ERBB4: variants seen among roughly 807,000 people sequenced by gnomAD.
ERBB4 encodes the protein erb-b2 receptor tyrosine kinase 4.
In ERBB4, 42 loss-of-function variants were observed where a neutral mutation model predicts 158.0. That is an observed-to-expected ratio of 0.27 (90% CI 0.21 to 0.34). The LOEUF (loss-of-function observed/expected upper bound fraction) is 0.34, where lower values mean the gene tolerates loss of function less well. Ranked by LOEUF, ERBB4 falls within the 10% of genes least tolerant of loss-of-function variation. The probability of loss-of-function intolerance (pLI) is 1.00; values close to 1 mark genes in which losing one functional copy is unlikely to be tolerated. For synonymous variants in ERBB4, 583 were observed against 558.7 expected, an observed-to-expected ratio of 1.04 and a Z score of -0.61; for missense variants, 1,333 against 1,624.1, an observed-to-expected ratio of 0.82 and a Z score of 3.08.
At chr2:212,293,548 G>A (rs2106186651) in intron 1 of ERBB4, among the ~76,000 whole-genome samples, 1 of 152,060 alleles carries the variant, frequency 6.6e-6, no homozygotes, top group East Asian at 1.9e-4. Context: ...ATGCAGTTGA[G>A]TGAAAGTCAT....
chr2:211,398,441 G>C (rs1454136034), intron 25 of ERBB4, among the ~76,000 whole-genome samples: 1 of 152,064 alleles, frequency 6.6e-6, no homozygotes, highest in African/African-American at 2.4e-5. Flanking sequence ...CTTAATTATG[G>C]TACCATTTCT....
chr2:212,450,821 G>GAA (rs57931477), intron 1 of ERBB4, among the ~76,000 whole-genome samples: 1,334 of 92,816 alleles, frequency 0.014, 44 homozygotes, highest in African/African-American at 0.046. Context: ...TTTCAGCCGA[G>GAA]AAAAAAAAAA....
chr2:211,717,712 C>T (rs897523942), intron 7 of ERBB4, among the ~76,000 whole-genome samples: 3 of 152,068 alleles, frequency 2.0e-5, no homozygotes, highest in African/African-American at 7.2e-5. Context: ...CCTGTAATCC[C>T]AGCGACTCAG....
At chr2:211,391,360 T>C (rs2062794928) in intron 25 of ERBB4, among the ~76,000 whole-genome samples, 1 of 152,210 alleles carries the variant, frequency 6.6e-6, no homozygotes, top group South Asian at 2.1e-4. Context: ...TTAAAAGCTT[T>C]TGTTTTTCCA....
chr2:211,917,668 T>C (rs2079735824), intron 3 of ERBB4, among the ~76,000 whole-genome samples: 1 of 152,070 alleles, frequency 6.6e-6, no homozygotes, highest in African/African-American at 2.4e-5. Flanking sequence ...AAAGTGGGTA[T>C]AGGACTGGAA....
At chr2:212,374,105 C>A (rs543902819) in intron 1 of ERBB4, among the ~76,000 whole-genome samples, 2 of 137,548 alleles carry the variant, frequency 1.5e-5, no homozygotes, top group Non-Finnish European at 3.1e-5. Flanking sequence ...TATATATATA[C>A]ACACACATAT....
intron 12 of ERBB4, among the ~76,000 whole-genome samples, chr2:211,698,141 A>T (rs1575005203): frequency 6.6e-6 from 1 of 151,800 alleles, no homozygotes; most frequent in Non-Finnish European, 1.5e-5. Context: ...ACATGGAGAA[A>T]CCCCGTCTCT....
At chr2:211,633,482 ATTTT>A (rs3068983) in intron 16 of ERBB4, among the ~76,000 whole-genome samples, 9,799 of 127,220 alleles carry the variant, frequency 0.077, 421 homozygotes, top group East Asian at 0.16. Context: ...GTATTTTCTA[ATTTT>A]TTTTTTTTTT....
intron 2 of ERBB4, among the ~76,000 whole-genome samples, chr2:211,965,047 G>A (rs1000572718): frequency 7.9e-5 from 12 of 151,890 alleles, no homozygotes; most frequent in African/African-American, 1.2e-4. Flanking sequence ...TTACCTATAC[G>A]GCACAAACAC....
chr2:212,512,464 A>C (rs1370550986), intron 1 of ERBB4, among the ~76,000 whole-genome samples: 1 of 152,058 alleles, frequency 6.6e-6, no homozygotes, highest in African/African-American at 2.4e-5. Flanking sequence ...ACATGGCAGA[A>C]CCCAATAAAT....
At chr2:212,512,316 C>T (rs1691567977) in intron 1 of ERBB4, among the ~76,000 whole-genome samples, 1 of 149,660 alleles carries the variant, frequency 6.7e-6, no homozygotes, top group Non-Finnish European at 1.5e-5. Context: ...GAAAAATATA[C>T]ATATTGAGTA....
intron 6 of ERBB4, among the ~76,000 whole-genome samples, chr2:211,723,877 T>C (rs1003920671): frequency 1.3e-5 from 2 of 152,190 alleles, no homozygotes; most frequent in African/African-American, 2.4e-5. Context: ...GAACATTCTG[T>C]ACCAAAAGCC....
chr2:211,547,849 A>G (rs1477214182), intron 20 of ERBB4, among the ~76,000 whole-genome samples: 1 of 152,128 alleles, frequency 6.6e-6, no homozygotes, highest in Admixed American at 6.6e-5. Flanking sequence ...TGTGAATGGC[A>G]GCTGAATAAA....
chr2:211,957,125 C>T (rs1011897494), intron 2 of ERBB4, among the ~76,000 whole-genome samples: 4 of 152,014 alleles, frequency 2.6e-5, no homozygotes, highest in African/African-American at 4.8e-5. Context: ...CCACTGTGCC[C>T]AGCCAAACCC....
At chr2:211,957,443 T>C (rs957679197) in intron 2 of ERBB4, among the ~76,000 whole-genome samples, 6 of 152,120 alleles carry the variant, frequency 3.9e-5, no homozygotes, top group African/African-American at 1.4e-4. Flanking sequence ...TAAATATCTG[T>C]TGTTTAAGCC....
chr2:211,449,091 T>C (rs900803820), intron 20 of ERBB4, among the ~76,000 whole-genome samples: 3 of 152,120 alleles, frequency 2.0e-5, no homozygotes, highest in Admixed American at 1.3e-4. Flanking sequence ...CCCAATAGTG[T>C]ACCTCCTACA....
chr2:212,373,866 T>TCC (rs768812673), intron 1 of ERBB4, among the ~76,000 whole-genome samples: 5 of 117,574 alleles, frequency 4.3e-5, no homozygotes, highest in Admixed American at 9.2e-5. Context: ...TATATATCCA[T>TCC]ATATATATAT....
chr2:211,479,467 T>C (rs1018543959), intron 20 of ERBB4, among the ~76,000 whole-genome samples: 1 of 152,182 alleles, frequency 6.6e-6, no homozygotes, highest in Non-Finnish European at 1.5e-5. Context: ...ATTTTGCCTA[T>C]AGACTGTACA....
chr2:211,398,798 T>C (rs1238371859), intron 25 of ERBB4, among the ~76,000 whole-genome samples: 1 of 152,172 alleles, frequency 6.6e-6, no homozygotes, highest in African/African-American at 2.4e-5. Context: ...GCCACTGCAC[T>C]CCAGCCTGGG....
Sources: gnomAD v4.1 joint callset for allele counts (sites outside exome capture counted in the v4.1 genomes callset) on GRCh38, gnomAD v4.1.1 for gene constraint, MANE v1.5 for transcripts, NCBI Gene and HGNC (gene_info 2026-07-23, HGNC 2026-07-21) for gene names.